SGCD: variants seen among roughly 807,000 people sequenced by gnomAD.
The protein encoded by SGCD is sarcoglycan delta.
A neutral mutation model predicts 36.6 loss-of-function variants in SGCD; 18 were observed. The observed-to-expected ratio is 0.49, with a 90% CI of 0.34 to 0.73. SGCD has a LOEUF of 0.73. SGCD is among the 30% of genes least tolerant of loss of function. The pLI is 0.01. For missense variants in SGCD, 387 were observed against 346.7 expected (o/e 1.12, Z -0.92); for synonymous variants, 133 against 130.6 (o/e 1.02, Z -0.12).
intron 7 of SGCD, among the ~76,000 whole-genome samples, chr5:156,686,235 G>A (rs1258188052): frequency 6.6e-6 from 1 of 152,064 alleles, no homozygotes; most frequent in Non-Finnish European, 1.5e-5. Flanking sequence ...TTAATCCAAG[G>A]TCATATTGCA....
chr5:156,330,919 A>G (rs1283304338), intron 2 of SGCD, among the ~76,000 whole-genome samples: 1 of 152,206 alleles, frequency 6.6e-6, no homozygotes, highest in East Asian at 1.9e-4. Context: ...CCAATTTCCT[A>G]ATCTCTAAAA....
At chr5:155,803,659 A>G in the SGCD span, among the ~76,000 whole-genome samples, 1 of 152,194 alleles carries the variant, frequency 6.6e-6, no homozygotes, top group African/African-American at 2.4e-5. Context: ...TTGAAATTTC[A>G]GTTATTTGAC....
chr5:156,145,244 T>C (rs1762682052), intron 3 of SGCD, among the ~76,000 whole-genome samples: 1 of 152,200 alleles, frequency 6.6e-6, no homozygotes, highest in Admixed American at 6.5e-5. Context: ...CCTTTCTCTT[T>C]CATTTCCTAC....
intron 4 of SGCD, among the ~76,000 whole-genome samples, chr5:156,553,789 T>C (rs1314885564): frequency 6.6e-6 from 1 of 152,190 alleles, no homozygotes; most frequent in Non-Finnish European, 1.5e-5. Flanking sequence ...ATATCTGTAC[T>C]TCATTGCTTT....
chr5:156,171,379 C>A (rs1284337315), intron 3 of SGCD, among the ~76,000 whole-genome samples: 1 of 152,284 alleles, frequency 6.6e-6, no homozygotes, highest in South Asian at 2.1e-4. Context: ...TTCTGCTTAC[C>A]TATGAGCCCC....
chr5:156,134,130 C>G (rs566601604), intron 3 of SGCD, among the ~76,000 whole-genome samples: 12 of 152,122 alleles, frequency 7.9e-5, no homozygotes, highest in African/African-American at 2.9e-4. Context: ...CTTGTTTATT[C>G]TTCCCCTTTG....
chr5:156,407,322 G>C (rs1207855808), intron 3 of SGCD, among the ~76,000 whole-genome samples: 2 of 152,174 alleles, frequency 1.3e-5, no homozygotes, highest in Non-Finnish European at 2.9e-5. Flanking sequence ...TGATGTCAAG[G>C]ACTGTCTCTT....
intron 1 of SGCD, among the ~76,000 whole-genome samples, chr5:156,117,046 T>C (rs1761922151): frequency 6.6e-6 from 1 of 151,972 alleles, no homozygotes; most frequent in Admixed American, 6.6e-5. Flanking sequence ...GGAAATTGTG[T>C]AGCTTTGTTC....
At chr5:156,414,749 A>T (rs906873941) in intron 3 of SGCD, among the ~76,000 whole-genome samples, 5 of 152,238 alleles carry the variant, frequency 3.3e-5, no homozygotes, top group East Asian at 3.8e-4. Context: ...TTAAACAACA[A>T]TTAAATATTT....
chr5:156,380,579 T>C (rs985113709), intron 3 of SGCD, among the ~76,000 whole-genome samples: 9 of 152,226 alleles, frequency 5.9e-5, no homozygotes, highest in African/African-American at 1.9e-4. Context: ...GAAGTAGTGA[T>C]GCCTGAGTGG....
chr5:156,373,408 T>C (rs1210588773), intron 3 of SGCD, among the ~76,000 whole-genome samples: 1 of 152,224 alleles, frequency 6.6e-6, no homozygotes, highest in Non-Finnish European at 1.5e-5. Flanking sequence ...CTTTAATCAC[T>C]TAAAAGTAAG....
intron 1 of SGCD, among the ~76,000 whole-genome samples, chr5:156,049,119 A>G (rs1191610865): frequency 6.8e-6 from 1 of 146,196 alleles, no homozygotes; most frequent in Non-Finnish European, 1.5e-5. Context: ...AGGTTTGTCA[A>G]AGATCAGATG....
intron 4 of SGCD, among the ~76,000 whole-genome samples, chr5:156,543,906 C>G (rs567228176): frequency 1.3e-5 from 2 of 152,306 alleles, no homozygotes; most frequent in South Asian, 2.1e-4. Flanking sequence ...AAAGACTGGA[C>G]TGGCTCAGCT....
At chr5:156,304,505 T>A (rs1302716238) in intron 3 of SGCD, among the ~76,000 whole-genome samples, 1 of 152,208 alleles carries the variant, frequency 6.6e-6, no homozygotes, top group East Asian at 1.9e-4. Flanking sequence ...CCCAGCCACG[T>A]GGAACTGTAA....
chr5:156,717,991 T>C (rs1755305031), intron 7 of SGCD, among the ~76,000 whole-genome samples: 2 of 152,164 alleles, frequency 1.3e-5, no homozygotes, highest in African/African-American at 4.8e-5. Context: ...TTTCTATGTC[T>C]GCTTGTTTTA....
the SGCD span, among the ~76,000 whole-genome samples, chr5:155,853,132 T>A: frequency 6.6e-6 from 1 of 151,810 alleles, no homozygotes; most frequent in African/African-American, 2.4e-5. Flanking sequence ...ATTATTATAA[T>A]ATAATGGAGA....
In SGCD at chr5:156,455,232, C is replaced by G. The variant is rs140385256; in HGVS notation, c.193-53369C>G. On this transcript the variant is annotated intron_variant, in intron 3 of 8. Transcript: ENST00000337851. ...ATGGAGGAAAGCTGCCCTGCCCACA[C>G]CATGGTTGGGGCATAGCCAGTGTAT... Among the ~76,000 whole-genome samples the G allele has an allele frequency of 1.1e-3, 168 of 152,248 alleles. 1 individual carries two copies. Among genetic ancestry groups the G allele is most frequent in the Middle Eastern group, 6.8e-3 (2 of 292 alleles).
intron 3 of SGCD, among the ~76,000 whole-genome samples, chr5:156,499,920 C>A (rs1253923232): frequency 1.3e-5 from 2 of 152,118 alleles, no homozygotes; most frequent in Non-Finnish European, 2.9e-5. Context: ...TAGTCGAATA[C>A]ATTATTTCTC....
chr5:156,679,223 C>T (rs546623832), intron 7 of SGCD, among the ~76,000 whole-genome samples: 1 of 152,280 alleles, frequency 6.6e-6, no homozygotes, highest in East Asian at 1.9e-4. Context: ...GTTTCATGAT[C>T]ACCTCTGACT....
Sources: gnomAD v4.1 joint callset for allele counts (sites outside exome capture counted in the v4.1 genomes callset) on GRCh38, gnomAD v4.1.1 for gene constraint, MANE v1.5 for transcripts, NCBI Gene and HGNC (gene_info 2026-07-23, HGNC 2026-07-21) for gene names.